The following PARP8 variants were observed in gnomAD, a reference collection of about 807,000 sequenced individuals.
The protein encoded by PARP8 is poly(ADP-ribose) polymerase family member 8.
Under a neutral mutation model 124.1 loss-of-function variants are expected in PARP8, and 51 were observed. The observed-to-expected ratio is 0.41, with a 90% CI of 0.33 to 0.52. The LOEUF (loss-of-function observed/expected upper bound fraction) is 0.52. Ranked by LOEUF, PARP8 falls within the 20% of genes least tolerant of loss-of-function variation. The pLI, the probability that PARP8 is intolerant of heterozygous loss-of-function variation, is 0.21. For synonymous variants in PARP8, 391 were observed against 361.5 expected (o/e 1.08, Z -0.93); for missense variants, 860 against 1,018.9 (o/e 0.84, Z 2.12).
At chr5:50,814,167 T>C (rs1744822599) in intron 14 of PARP8, among the ~76,000 whole-genome samples, 1 of 152,246 alleles carries the variant, frequency 6.6e-6, no homozygotes, top group South Asian at 2.1e-4. Context: ...ATCGTAAATA[T>C]GCAGTAAGTG....
At chr5:50,685,107 T>C (rs1438851437) in intron 2 of PARP8, among the ~76,000 whole-genome samples, 10 of 152,146 alleles carry the variant, frequency 6.6e-5, no homozygotes, top group African/African-American at 1.9e-4. Context: ...TAGAGAGTGG[T>C]GATAAGTAAG....
chr5:50,825,012 A>T (rs1746185909), intron 18 of PARP8, 37 bp downstream of exon 18: 4 of 1,513,084 alleles, frequency 2.6e-6, no homozygotes, highest in African/African-American at 2.8e-5. Context: ...TGAAAACAGC[A>T]TCCTTTTCTA....
chr5:50,684,056 A>C (rs1751584799), intron 2 of PARP8, among the ~76,000 whole-genome samples: 2 of 152,186 alleles, frequency 1.3e-5, no homozygotes, highest in African/African-American at 4.8e-5. Context: ...TCTTAGCTTA[A>C]GTGGCTTTTT....
At chr5:50,829,995 T>C (rs757042700) in intron 22 of PARP8, 34 bp downstream of exon 22, 2 of 1,595,134 alleles carry the variant, frequency 1.3e-6, no homozygotes, top group Non-Finnish European at 1.7e-6. Flanking sequence ...AAGTCACATT[T>C]ATTAGGTTTT....
intron 2 of PARP8, among the ~76,000 whole-genome samples, chr5:50,687,296 C>T (rs931223393): frequency 2.7e-4 from 41 of 152,180 alleles, no homozygotes; most frequent in African/African-American, 9.4e-4. Context: ...GAGTCACCTT[C>T]GCTCCAGTCC....
intron 2 of PARP8, among the ~76,000 whole-genome samples, chr5:50,738,329 T>C (rs1580153177): frequency 6.6e-6 from 1 of 152,366 alleles, no homozygotes; most frequent in Admixed American, 6.5e-5. Context: ...TTTTCTTATG[T>C]AATGTATAAA....
At chr5:50,725,324 A>G (rs1391291398) in intron 2 of PARP8, among the ~76,000 whole-genome samples, 1 of 152,118 alleles carries the variant, frequency 6.6e-6, no homozygotes, top group Non-Finnish European at 1.5e-5. Context: ...ATACCAGTAA[A>G]ATAAATTTCA....
intron 2 of PARP8, among the ~76,000 whole-genome samples, chr5:50,717,321 A>G (rs1388139661): frequency 6.6e-6 from 1 of 151,970 alleles, no homozygotes; most frequent in Admixed American, 6.6e-5. Flanking sequence ...GAGACTTACG[A>G]TGGAATGGAC....
intron 2 of PARP8, among the ~76,000 whole-genome samples, chr5:50,709,314 G>T (rs538660564): frequency 2.0e-5 from 3 of 151,694 alleles, no homozygotes; most frequent in African/African-American, 7.2e-5. Flanking sequence ...ATTTCCAAAG[G>T]CTCTTTTTAA....
intron 7 of PARP8, among the ~76,000 whole-genome samples, chr5:50,771,950 T>A (rs1761670894): frequency 6.6e-6 from 1 of 152,204 alleles, no homozygotes; most frequent in South Asian, 2.1e-4. Flanking sequence ...CTATAACTTA[T>A]TTCTCCTACT....
In PARP8 at chr5:50,797,051, T is replaced by C. The variant is rs1171981315; in HGVS notation, c.1479+19T>C. The C allele has an allele frequency of 6.2e-7, 1 of 1,612,540 alleles. No homozygotes were observed. On this transcript the variant is annotated intron_variant, in intron 13 of 25. Transcript: ENST00000281631. The stretch of plus-strand genomic sequence containing the variant: ...GGTGCAGGTATGAGCCAAAACTCTA[T>C]CCATTGTACAAATATTTTAGTTCTT...
chr5:50,824,815 G>A, intron 17 of PARP8, 93 bp from the exon 18 acceptor site: 1 of 947,988 alleles, frequency 1.1e-6, no homozygotes, highest in Non-Finnish European at 1.7e-6. Flanking sequence ...AGTCTTACTA[G>A]ATTAGGCATA....
chr5:50,667,615 G>C, intron 1 of PARP8: 1 of 699,038 alleles, frequency 1.4e-6, no homozygotes, highest in African/African-American at 1.7e-5. Context: ...AGCTGCGCCC[G>C]GCGCCGAGGA....
intron 3 of PARP8, among the ~76,000 whole-genome samples, chr5:50,750,747 C>A (rs1759163935): frequency 6.6e-6 from 1 of 151,952 alleles, no homozygotes; most frequent in African/African-American, 2.4e-5. Flanking sequence ...CACAAACTTC[C>A]TTACAATTAT....
In PARP8 at chr5:50,759,661, G is replaced by A. The variant is rs202064979; in HGVS notation, c.203G>A (p.Ser68Asn). 4.1e-6 allele frequency: 6 copies of A among 1,472,800 alleles called. No homozygotes were observed. In the South Asian group the frequency reaches 7.6e-5, roughly 19 times the overall value. The allele number at this position is 1,472,800 out of a possible 1,614,324, so 91.2% of individuals were successfully genotyped here. Reference sequence around the variant, plus strand: ...TTTGCAGATAATACATATGTGTCAAGTTCAGAGAATGATGAAGATGTGCTA... The same window carrying A: ...TTTGCAGATAATACATATGTGTCAAATTCAGAGAATGATGAAGATGTGCTA... The part of the protein sequence containing the change: ...EDYPDNTYVS[S>N]SENDEDVLVT... The change falls in exon 4 of 26, where the codon AGT (serine) becomes AAT (asparagine). Residue 68 changes from serine (S) to asparagine (N), a missense_variant. Physicochemically the swap from Ser to Asn is conservative, Grantham distance 46 (BLOSUM62 1). Coordinates refer to ENST00000281631, the MANE Select transcript of PARP8 (RefSeq NM_024615.4).
chr5:50,821,658 GC>G (rs1486227663), intron 16 of PARP8, among the ~76,000 whole-genome samples: 15 of 152,232 alleles, frequency 9.9e-5, no homozygotes, highest in East Asian at 7.7e-4. Context: ...TAATGGACTG[GC>G]CTTTCTTAAG....
chr5:50,827,484 A>G (rs1746474512), intron 19 of PARP8, among the ~76,000 whole-genome samples: 1 of 152,216 alleles, frequency 6.6e-6, no homozygotes, highest in Non-Finnish European at 1.5e-5. Flanking sequence ...TCAATTTTAT[A>G]AATATATGCA....
intron 15 of PARP8, among the ~76,000 whole-genome samples, chr5:50,820,878 A>G (rs539094571): frequency 2.6e-5 from 4 of 152,324 alleles, no homozygotes; most frequent in South Asian, 4.1e-4. Context: ...TTTATTGTGT[A>G]TCTTCTCCCC....
intron 2 of PARP8, among the ~76,000 whole-genome samples, chr5:50,742,247 T>A (rs1384468846): frequency 1.3e-5 from 2 of 152,212 alleles, no homozygotes; most frequent in African/African-American, 4.8e-5. Context: ...ACAAATACAT[T>A]TGTTTATTTT....
Sources: gnomAD v4.1 joint callset for allele counts (sites outside exome capture counted in the v4.1 genomes callset) on GRCh38, gnomAD v4.1.1 for gene constraint, MANE v1.5 for transcripts, NCBI Gene and HGNC (gene_info 2026-07-23, HGNC 2026-07-21) for gene names.